The following EMCN variants were observed in gnomAD, a reference collection of about 807,000 sequenced individuals.
EMCN encodes endomucin.
EMCN carries 37 observed loss-of-function variants against 38.4 expected under a neutral mutation model. The ratio of observed to expected loss-of-function variants is 0.96; its 90% confidence interval spans 0.74 to 1.27. EMCN has a LOEUF of 1.27. Ranked by LOEUF, EMCN falls within the 50% of genes most tolerant of loss-of-function variation. EMCN has a pLI of 0.00. For synonymous variants in EMCN, 95 were observed against 100.8 expected, an observed-to-expected ratio of 0.94 and a Z score of 0.35; for missense variants, 318 against 302.8, an observed-to-expected ratio of 1.05 and a Z score of -0.37.
rs866906269 is a variant in EMCN at position 100,396,569 on chromosome 4, G to A, written c.*1844C>T. The A allele has an allele frequency of 3.6e-5, 4 of 110,852 alleles. No individual in the cohort carries two copies. Among genetic ancestry groups the A allele is most frequent in the African/African-American group, 1.4e-4 (4 of 29,054 alleles). 6.9% of individuals were successfully genotyped at this position (110,852 alleles called of 1,614,324 possible). ...TTTTTTTTTTTTTTTTTGAGACAGA[G>A]TCTTGCTGTGTCACCCAGGCTGGAG... On this transcript the variant is annotated 3_prime_UTR_variant, in exon 12 of 12. Transcript: ENST00000296420.
intron 10 of EMCN, among the ~76,000 whole-genome samples, chr4:100,412,585 A>AT (rs1404594773): frequency 6.6e-6 from 1 of 152,164 alleles, no homozygotes; most frequent in South Asian, 2.1e-4. Context: ...TCACACATAC[A>AT]TTTTTTAGTC....
At chr4:100,477,793 C>CT (rs3836629) in intron 2 of EMCN, among the ~76,000 whole-genome samples, 71 of 151,182 alleles carry the variant, frequency 4.7e-4, no homozygotes, top group Middle Eastern at 3.4e-3. Flanking sequence ...CTACAGATAC[C>CT]TTTTTTTTTG....
At chr4:100,438,893 T>C (rs1244074131) in intron 5 of EMCN, among the ~76,000 whole-genome samples, 1 of 152,134 alleles carries the variant, frequency 6.6e-6, no homozygotes, top group Non-Finnish European at 1.5e-5. Flanking sequence ...CTTTGATTGA[T>C]TTGTATATGT....
chr4:100,473,373 G>GTTTTTTT lies in EMCN; in HGVS notation c.259+1658_259+1664dup, dbSNP rs1256284835. On this transcript the variant is annotated intron_variant, in intron 3 of 11. Transcript: ENST00000296420. ...GGCATTTCCCGTTTCGTGTTTTTTT[G>GTTTTTTT]TTTTTTTTTTTTGTTTTTTTTTTTG... Among the ~76,000 whole-genome samples, 147 of 65,982 alleles carry GTTTTTTT rather than the reference G, an allele frequency of 2.2e-3. 20 individuals are homozygous for GTTTTTTT. Among genetic ancestry groups the GTTTTTTT allele is most frequent in the Non-Finnish European group, 2.7e-3 (90 of 33,508 alleles). The allele number at this position is 65,982 out of a possible 152,430, so 43.3% of individuals were successfully genotyped here.
intron 5 of EMCN, among the ~76,000 whole-genome samples, chr4:100,436,113 T>G (rs2110232015): frequency 6.6e-6 from 1 of 151,976 alleles, no homozygotes; most frequent in East Asian, 1.9e-4. Flanking sequence ...AGGAAAAAAT[T>G]TTTGCAATCT....
At chr4:100,428,041 T>C (rs1307044698) in intron 5 of EMCN, among the ~76,000 whole-genome samples, 1 of 116,504 alleles carries the variant, frequency 8.6e-6, no homozygotes, top group Non-Finnish European at 1.7e-5. Context: ...GCCACCATCT[T>C]CTCTCTCCTA....
chr4:100,473,060 G>A (rs1474126662), intron 3 of EMCN, among the ~76,000 whole-genome samples: 1 of 145,954 alleles, frequency 6.9e-6, no homozygotes, highest in African/African-American at 2.5e-5. Flanking sequence ...TGTCGCCCAG[G>A]CTGGAATGCA....
intron 1 of EMCN, among the ~76,000 whole-genome samples, chr4:100,493,316 T>G (rs916842827): frequency 5.3e-5 from 8 of 152,210 alleles, no homozygotes; most frequent in Non-Finnish European, 7.3e-5. Flanking sequence ...CTAATATCCT[T>G]TCACCATTCC....
intron 5 of EMCN, among the ~76,000 whole-genome samples, chr4:100,436,805 G>A (rs1727366391): frequency 6.6e-6 from 1 of 152,156 alleles, no homozygotes; most frequent in African/African-American, 2.4e-5. Context: ...AGTCGGAGCT[G>A]AGCCATAAGA....
chr4:100,516,250 T>C (rs536117863), intron 1 of EMCN, among the ~76,000 whole-genome samples: 2 of 152,102 alleles, frequency 1.3e-5, no homozygotes, highest in Non-Finnish European at 2.9e-5. Context: ...TTGTCCTTCA[T>C]CTTCATGTCT....
intron 1 of EMCN, among the ~76,000 whole-genome samples, chr4:100,501,768 TTTAA>T (rs1455024080): frequency 6.6e-6 from 1 of 152,128 alleles, no homozygotes; most frequent in Non-Finnish European, 1.5e-5. Flanking sequence ...ACATTTTCTT[TTTAA>T]TTATTTGTTG....
intron 5 of EMCN, among the ~76,000 whole-genome samples, chr4:100,446,459 A>G (rs985454107): frequency 2.0e-5 from 3 of 152,208 alleles, no homozygotes; most frequent in African/African-American, 7.2e-5. Context: ...GTGATTACTT[A>G]GAATATTTGC....
Position 100,465,541 on chromosome 4 carries a change from TATAA to T in EMCN, c.260-6_260-3del. 6.4e-7 allele frequency: 1 copy of T among 1,569,654 alleles called. No homozygotes were observed. The highest frequency in any genetic ancestry group is 8.7e-7 in the Non-Finnish European group (1 of 1,145,792). On this transcript the variant is annotated splice_region_variant and splice_polypyrimidine_tract_variant and intron_variant, in intron 3 of 11. Transcript: ENST00000296420. The stretch of plus-strand genomic sequence containing the variant: ...CATCAGTGGTTGTGGCTTTCAATCC[TATAA>T]AAAGAATGAACAGTCATCAGGAGTA...
chr4:100,410,426 C>CT, intron 10 of EMCN, 71 bp from the exon 11 acceptor site: 2 of 1,448,212 alleles, frequency 1.4e-6, no homozygotes, highest in South Asian at 2.4e-5. Context: ...AGTTTCCTAG[C>CT]TTTTTTCTAT....
rs1436816684 is a variant in EMCN at position 100,445,350 on chromosome 4, C to CGGA, written c.415+2182_415+2183insTCC. ...TAGAATCCTTACTTATTTTTAATCT[C>CGGA]CCAAAAAGGTTCTACATAAAATCAT... is the stretch of plus-strand genomic sequence containing the variant. On this transcript the variant is annotated intron_variant, in intron 5 of 11. Coordinates refer to ENST00000296420, the MANE Select transcript of EMCN (RefSeq NM_016242.4). 2.6e-5 allele frequency among the ~76,000 whole-genome samples: 4 copies of CGGA among 152,144 alleles called. No individual in the cohort carries two copies. The East Asian group carries it at 5.8e-4, about 22-fold the overall frequency.
intron 5 of EMCN, among the ~76,000 whole-genome samples, chr4:100,436,025 A>T (rs998132801): frequency 1.3e-5 from 2 of 152,334 alleles, no homozygotes; most frequent in Non-Finnish European, 1.5e-5. Flanking sequence ...AAAATTGACA[A>T]TTGGGGTCTA....
At chr4:100,483,993 T>C (rs1446923102) in intron 1 of EMCN, among the ~76,000 whole-genome samples, 1 of 152,174 alleles carries the variant, frequency 6.6e-6, no homozygotes, top group Admixed American at 6.6e-5. Flanking sequence ...TCTTGGGATG[T>C]TGTAAGAGAA....
At chr4:100,476,719 T>C (rs1728661012) in intron 2 of EMCN, among the ~76,000 whole-genome samples, 1 of 152,174 alleles carries the variant, frequency 6.6e-6, no homozygotes, top group African/African-American at 2.4e-5. Flanking sequence ...TTCAAAGAAA[T>C]GCCTAATTTG....
intron 2 of EMCN, among the ~76,000 whole-genome samples, chr4:100,477,441 C>G (rs751921718): frequency 2.6e-5 from 4 of 152,180 alleles, no homozygotes; most frequent in Non-Finnish European, 4.4e-5. Flanking sequence ...GGGTGAATCT[C>G]TGAGAGCAAG....
Sources: allele counts gnomAD v4.1 joint callset (sites outside exome capture counted in the v4.1 genomes callset), GRCh38; gene constraint gnomAD v4.1.1; transcripts MANE v1.5; gene names NCBI Gene and HGNC (gene_info 2026-07-23, HGNC 2026-07-21).